MALRD1: variants seen among roughly 807,000 people sequenced by gnomAD.
MALRD1 encodes MAM and LDL-receptor class A domain-containing protein 1.
MALRD1 carries 247 observed loss-of-function variants against 242.1 expected under a neutral mutation model. The observed-to-expected ratio is 1.02, with a 90% confidence interval of 0.92 to 1.13. The LOEUF is 1.13. Among genes scored for constraint, MALRD1 ranks in the 50% most tolerant of loss-of-function variants. The pLI is 0.00. For missense variants in MALRD1, 2,989 were observed against 2,533.1 expected, an observed-to-expected ratio of 1.18 and a Z score of -3.86; for synonymous variants, 995 against 866.6, an observed-to-expected ratio of 1.15 and a Z score of -2.60.
intron 34 of MALRD1, among the ~76,000 whole-genome samples, chr10:19,604,598 C>G (rs1838519001): frequency 6.6e-6 from 1 of 152,122 alleles, no homozygotes; most frequent in South Asian, 2.1e-4. Context: ...TTATCTAGAT[C>G]TAGCTAAAAT....
chr10:19,293,031 A>T (rs1398319209), intron 21 of MALRD1, among the ~76,000 whole-genome samples: 1 of 152,092 alleles, frequency 6.6e-6, no homozygotes, highest in Non-Finnish European at 1.5e-5. Flanking sequence ...TTCTGTAACG[A>T]TAATAATTTT....
intron 26 of MALRD1, among the ~76,000 whole-genome samples, chr10:19,378,053 C>T (rs2130774777): frequency 6.6e-6 from 1 of 152,142 alleles, no homozygotes; most frequent in East Asian, 1.9e-4. Context: ...ATTTTTCTGT[C>T]CCTACTTTAT....
rs144393594 is a variant in MALRD1 at position 19,466,613 on chromosome 10, C to T, written c.5029+16123C>T. 5.5e-3 allele frequency among the ~76,000 whole-genome samples: 845 copies of T among 152,276 alleles called. 5 individuals carry two copies. Among genetic ancestry groups the T allele is most frequent in the African/African-American group, 0.019 (791 of 41,548 alleles). On this transcript the variant is annotated intron_variant, in intron 29 of 39. Coordinates refer to ENST00000454679, the MANE Select transcript of MALRD1 (RefSeq NM_001142308.3). ...TCCACGGCTTGAAGATGATTTTCTT[C>T]TACTTGTGTTATTACAAGTTCTTTC...
rs1043810829 is a variant in MALRD1 at position 19,217,068 on chromosome 10, C to T, written c.2991+7388C>T. The stretch of plus-strand genomic sequence containing the variant: ...TCACCTTAGTTTTGGTCTGCATCTC[C>T]AACCATAGCTAGTTGCAGTAGGACC... On this transcript the variant is annotated intron_variant, in intron 18 of 39. Transcript: ENST00000454679. Among the ~76,000 whole-genome samples, 2 of 152,164 alleles carry T rather than the reference C, an allele frequency of 1.3e-5. 1 individual carries two copies. Among genetic ancestry groups the T allele is most frequent in the Non-Finnish European group, 2.9e-5 (2 of 68,036 alleles).
intron 38 of MALRD1, among the ~76,000 whole-genome samples, chr10:19,719,804 G>A (rs1041634181): frequency 7.3e-5 from 11 of 151,400 alleles, no homozygotes. Context: ...TTTCAAATTG[G>A]CTTCTTTTCT....
chr10:19,150,782 G>T (rs1256824162), intron 11 of MALRD1, among the ~76,000 whole-genome samples: 2 of 152,056 alleles, frequency 1.3e-5, no homozygotes, highest in Non-Finnish European at 2.9e-5. Context: ...TGTGATACTG[G>T]ATTCATGTTT....
intron 38 of MALRD1, among the ~76,000 whole-genome samples, chr10:19,727,915 A>G (rs1835109764): frequency 6.6e-6 from 1 of 152,154 alleles, no homozygotes; most frequent in Non-Finnish European, 1.5e-5. Context: ...TGAATGTCAA[A>G]TTGACATAGT....
chr10:19,671,668 A>G (rs959964045), intron 36 of MALRD1, among the ~76,000 whole-genome samples: 2 of 152,088 alleles, frequency 1.3e-5, no homozygotes, highest in Non-Finnish European at 2.9e-5. Flanking sequence ...TACAAACACC[A>G]CCAATACATG....
intron 18 of MALRD1, among the ~76,000 whole-genome samples, chr10:19,238,369 A>C (rs1412861898): frequency 1.3e-5 from 1 of 79,108 alleles, no homozygotes; most frequent in East Asian, 3.6e-4. Context: ...TACATAATAT[A>C]TATTATACAT....
intron 38 of MALRD1, among the ~76,000 whole-genome samples, chr10:19,701,670 T>G (rs1209711370): frequency 1.3e-5 from 2 of 150,390 alleles, no homozygotes; most frequent in Non-Finnish European, 3.0e-5. Flanking sequence ...TTCTCTTCCC[T>G]TCCCTTCCCT....
chr10:19,675,014 CA>C (rs1427170874), intron 36 of MALRD1, among the ~76,000 whole-genome samples: 2 of 152,006 alleles, frequency 1.3e-5, no homozygotes, highest in African/African-American at 4.8e-5. Context: ...ATCATGCCAT[CA>C]ACCTGTTTGA....
At chr10:19,230,892 A>G (rs1004166188) in intron 18 of MALRD1, among the ~76,000 whole-genome samples, 4 of 152,226 alleles carry the variant, frequency 2.6e-5, no homozygotes, top group Non-Finnish European at 5.9e-5. Flanking sequence ...TCTTTTGCTT[A>G]ACCAAATAGA....
intron 14 of MALRD1, among the ~76,000 whole-genome samples, chr10:19,177,611 T>C (rs1338880506): frequency 1.3e-5 from 2 of 152,210 alleles, no homozygotes; most frequent in Non-Finnish European, 2.9e-5. Context: ...GAAATGAAGA[T>C]GCAAAGTCCC....
At chr10:19,239,958 A>G (rs758621494) in intron 18 of MALRD1, among the ~76,000 whole-genome samples, 2 of 151,964 alleles carry the variant, frequency 1.3e-5, no homozygotes, top group Non-Finnish European at 2.9e-5. Flanking sequence ...TTATTTTTGC[A>G]CAGGATTGCT....
chr10:19,247,668 ATAACAT>A (rs1288198415), intron 18 of MALRD1, among the ~76,000 whole-genome samples: 4 of 152,202 alleles, frequency 2.6e-5, no homozygotes, highest in Admixed American at 6.6e-5. Flanking sequence ...AATAAAAAAG[ATAACAT>A]TAACATTATA....
chr10:19,117,159 G>A (rs1836899986), intron 5 of MALRD1, among the ~76,000 whole-genome samples: 1 of 151,536 alleles, frequency 6.6e-6, no homozygotes, highest in African/African-American at 2.4e-5. Flanking sequence ...GAATTAATAT[G>A]AGTATAAATA....
chr10:19,229,879 G>C (rs1264309777), intron 18 of MALRD1, among the ~76,000 whole-genome samples: 1 of 152,168 alleles, frequency 6.6e-6, no homozygotes, highest in Non-Finnish European at 1.5e-5. Flanking sequence ...ATTACTGTCT[G>C]ATATGGCTTG....
chr10:19,537,038 A>G (rs915637972), intron 32 of MALRD1, among the ~76,000 whole-genome samples: 6 of 152,272 alleles, frequency 3.9e-5, no homozygotes, highest in African/African-American at 1.4e-4. Context: ...AGTTAATGAA[A>G]AACCTCCCAT....
At chr10:19,061,249 T>G (rs1028578261) in intron 1 of MALRD1, among the ~76,000 whole-genome samples, 1 of 152,148 alleles carries the variant, frequency 6.6e-6, no homozygotes, top group African/African-American at 2.4e-5. Flanking sequence ...TCTTTTATAT[T>G]GAAAACTATG....
Sources: gnomAD v4.1 joint callset for allele counts (sites outside exome capture counted in the v4.1 genomes callset) on GRCh38, gnomAD v4.1.1 for gene constraint, MANE v1.5 for transcripts, NCBI Gene and HGNC (gene_info 2026-07-23, HGNC 2026-07-21) for gene names.